Variants in PDGFRL observed in about 807,000 individuals in gnomAD.
PDGFRL encodes the protein platelet-derived growth factor receptor-like protein.
Under a neutral mutation model 37.2 loss-of-function variants are expected in PDGFRL, and 46 were observed. The observed-to-expected ratio is 1.24, with a 90% confidence interval of 0.98 to 1.58. The LOEUF (loss-of-function observed/expected upper bound fraction) is 1.58. PDGFRL is among the 40% of genes most tolerant of loss of function. The pLI is 0.00. For synonymous variants in PDGFRL, 251 were observed against 184.3 expected, an observed-to-expected ratio of 1.36 and a Z score of -2.93; for missense variants, 692 against 467.6, an observed-to-expected ratio of 1.48 and a Z score of -4.43.
intron 1 of PDGFRL, among the ~76,000 whole-genome samples, chr8:17,585,123 A>C (rs1803788060): frequency 6.6e-6 from 1 of 152,114 alleles, no homozygotes. Context: ...CTAGCATGCT[A>C]ATGCATTATA....
At chr8:17,598,698 C>T (rs772035729) in intron 2 of PDGFRL, among the ~76,000 whole-genome samples, 2 of 152,122 alleles carry the variant, frequency 1.3e-5, no homozygotes, top group Non-Finnish European at 2.9e-5. Context: ...TGGCTGTTTC[C>T]CCTCCAAAAT....
At chr8:17,623,897 T>G (rs1009042655) in intron 3 of PDGFRL, among the ~76,000 whole-genome samples, 7 of 149,678 alleles carry the variant, frequency 4.7e-5, no homozygotes, top group Non-Finnish European at 8.9e-5. Flanking sequence ...ACGGGCTCTC[T>G]TTGAGTTTTG....
intron 5 of PDGFRL, among the ~76,000 whole-genome samples, chr8:17,641,287 C>G (rs774855819): frequency 4.6e-5 from 7 of 152,198 alleles, no homozygotes; most frequent in Admixed American, 3.9e-4. Context: ...GCTTCACCCC[C>G]TCACCCGAGT....
intron 5 of PDGFRL, among the ~76,000 whole-genome samples, chr8:17,640,817 G>A (rs912272016): frequency 2.0e-5 from 3 of 152,096 alleles, no homozygotes; most frequent in African/African-American, 4.8e-5. Context: ...TCAGGTGGTG[G>A]GCAGGACCCT....
chr8:17,604,830 A>C (rs1804239640), intron 2 of PDGFRL, among the ~76,000 whole-genome samples: 1 of 152,204 alleles, frequency 6.6e-6, no homozygotes, highest in Non-Finnish European at 1.5e-5. Flanking sequence ...AAGAAAATGC[A>C]TGGCTGGGCA....
At chr8:17,608,557 G>A (rs74807415) in intron 2 of PDGFRL, among the ~76,000 whole-genome samples, 3,267 of 152,346 alleles carry the variant, frequency 0.021, 118 homozygotes, top group African/African-American at 0.074. Flanking sequence ...TGACCAGAGC[G>A]AGTGTGTCAC....
chr8:17,629,864 A>G (rs2237841), intron 4 of PDGFRL, among the ~76,000 whole-genome samples: 67,054 of 151,962 alleles, frequency 0.44, 17,220 homozygotes, highest in East Asian at 0.68. Context: ...CCTCAGCCAC[A>G]GTCCTCACCT....
At chr8:17,611,693 G>T (rs1262382136) in intron 2 of PDGFRL, among the ~76,000 whole-genome samples, 1 of 152,188 alleles carries the variant, frequency 6.6e-6, no homozygotes, top group Non-Finnish European at 1.5e-5. Context: ...CCAGGCAGAG[G>T]TGGTAACGTG....
At chr8:17,639,975 T>C (rs4921796) in intron 5 of PDGFRL, among the ~76,000 whole-genome samples, 122,312 of 152,152 alleles carry the variant, frequency 0.8, 50,525 homozygotes, top group Non-Finnish European at 0.91. Flanking sequence ...TTCATTCTTT[T>C]AAATTCTTTT....
intron 3 of PDGFRL, among the ~76,000 whole-genome samples, chr8:17,628,167 G>T (rs7016020): frequency 2.0e-5 from 3 of 149,164 alleles, no homozygotes; most frequent in African/African-American, 7.4e-5. Flanking sequence ...CTCATTTTTT[G>T]TTTTTTTTAG....
intron 2 of PDGFRL, among the ~76,000 whole-genome samples, chr8:17,601,580 A>G (rs183273861): frequency 2.2e-4 from 34 of 152,088 alleles, no homozygotes. Flanking sequence ...TAATAAGCTT[A>G]GTACCCGATA....
intron 2 of PDGFRL, among the ~76,000 whole-genome samples, chr8:17,592,074 C>T (rs1803952449): frequency 6.6e-6 from 1 of 152,168 alleles, no homozygotes; most frequent in Admixed American, 6.5e-5. Flanking sequence ...GACTGGGCGG[C>T]ATCCATGCCT....
chr8:17,587,137 T>C (rs1803835364), intron 1 of PDGFRL, among the ~76,000 whole-genome samples: 1 of 152,216 alleles, frequency 6.6e-6, no homozygotes, highest in Non-Finnish European at 1.5e-5. Context: ...CCTTTAGCTT[T>C]GCATCATTGC....
rs767401206 is a variant in PDGFRL, at chr8:17,634,074, T to A, written c.800T>A (p.Val267Asp). ...CTGCCTGTTTCGTGCTTGCTTCCAG[T>A]TCCCAGTGGCCCTCCCTCAACAACC... ...SVKYQLLYVA[V>D]PSGPPSTTIL... Residue 267 changes from valine (V) to aspartate (D), a missense_variant and splice_region_variant, in exon 5 of 6, where the codon GTT becomes GAT. By Grantham distance (152) the Val-to-Asp change is radical. Coordinates refer to ENST00000251630, the MANE Select transcript of PDGFRL (RefSeq NM_001372073.1). 6 of 1,614,112 alleles carry A rather than the reference T, an allele frequency of 3.7e-6. No individual in the cohort carries two copies. In the South Asian group the frequency reaches 6.6e-5, roughly 18 times the overall value.
chr8:17,624,366 C>A (rs750503654), intron 3 of PDGFRL, among the ~76,000 whole-genome samples: 19 of 152,290 alleles, frequency 1.2e-4, no homozygotes, highest in Non-Finnish European at 2.2e-4. Context: ...TATGTATTTC[C>A]TCTTTCATCT....
rs747587120 is a variant in PDGFRL at position 17,589,545 on chromosome 8, G to A, written c.133G>A (p.Val45Met). 10 of 1,613,772 alleles carry A rather than the reference G, an allele frequency of 6.2e-6. No homozygotes were observed. The highest frequency in any genetic ancestry group is 8.5e-6 in the Non-Finnish European group (10 of 1,179,664). The part of the protein sequence containing the change: ...ENRIKPTNKK[V>M]KPKIPKMKDR... ...TAGAATCAAACCTACCAACAAGAAG[G>A]TGAAGCCCAAAATTCCTAAAATGAA... Residue 45 changes from valine to methionine, a missense_variant, in exon 2 of 6, where the codon GTG becomes ATG. Transcript: ENST00000251630.
intron 1 of PDGFRL, among the ~76,000 whole-genome samples, chr8:17,582,881 TG>T (rs1803737343): frequency 6.6e-6 from 1 of 152,190 alleles, no homozygotes; most frequent in African/African-American, 2.4e-5. Flanking sequence ...AGAATGGTTT[TG>T]GGGGGCAGGC....
intron 2 of PDGFRL, among the ~76,000 whole-genome samples, chr8:17,618,719 G>A (rs370377007): frequency 7.2e-5 from 11 of 151,960 alleles, no homozygotes; most frequent in African/African-American, 2.7e-4. Context: ...AACTCAATTC[G>A]CTCATGTTTA....
intron 2 of PDGFRL, among the ~76,000 whole-genome samples, chr8:17,604,748 T>G (rs747112430): frequency 2.0e-5 from 3 of 152,006 alleles, no homozygotes; most frequent in African/African-American, 4.8e-5. Context: ...TAATAAAATT[T>G]AAAAAAAATT....
Sources: allele counts gnomAD v4.1 joint callset (sites outside exome capture counted in the v4.1 genomes callset), GRCh38; gene constraint gnomAD v4.1.1; transcripts MANE v1.5; gene names NCBI Gene and HGNC (gene_info 2026-07-23, HGNC 2026-07-21).